The following CNTD1 variants were observed in gnomAD, a reference collection of about 807,000 sequenced individuals.
The protein encoded by CNTD1 is cyclin N-terminal domain-containing protein 1.
In CNTD1, 17 loss-of-function variants were observed where a neutral mutation model predicts 36.3. That is an observed-to-expected ratio of 0.47 (90% CI 0.32 to 0.70). The LOEUF is 0.70. Among genes scored for constraint, CNTD1 ranks in the 30% least tolerant of loss-of-function variants. The pLI is 0.03. For synonymous variants in CNTD1, 128 were observed against 153.3 expected (o/e 0.83, Z 1.22); for missense variants, 338 against 386.1 (o/e 0.88, Z 1.04).
At chr17:42,809,321 G>A (rs774031233) in intron 6 of CNTD1, 44 bp from the exon 7 acceptor site, 90 of 1,535,708 alleles carry the variant, frequency 5.9e-5, no homozygotes, top group Non-Finnish European at 7.6e-5. Flanking sequence ...ACTAAAATGT[G>A]TTGAGATTTT....
At chr17:42,804,104 G>A in intron 2 of CNTD1, 121 bp from the exon 3 acceptor site, 1 of 877,208 alleles carries the variant, frequency 1.1e-6, no homozygotes. Flanking sequence ...CTCCCAAAGT[G>A]CTGGGATTAC....
At chr17:42,803,859 C>A (rs1424562286) in intron 2 of CNTD1, among the ~76,000 whole-genome samples, 164 bp downstream of exon 2, 1 of 152,160 alleles carries the variant, frequency 6.6e-6, no homozygotes, top group East Asian at 1.9e-4. Flanking sequence ...TGTTTTGAGA[C>A]AGGGTCTTGC....
At position 42,811,345 on chromosome 17, in the gene CNTD1, A is replaced by G; in HGVS notation, c.*1810A>G. ...TCAATGGGATCCTAGAAAAATCAAAAGAAGCATTCCTGTGTATTTCCAAGG... is the reference window on the plus strand; with the variant it reads ...TCAATGGGATCCTAGAAAAATCAAAGGAAGCATTCCTGTGTATTTCCAAGG... On this transcript the variant is annotated 3_prime_UTR_variant, in exon 7 of 7. Coordinates refer to ENST00000588408, the MANE Select transcript of CNTD1 (RefSeq NM_173478.3). The G allele has an allele frequency of 3.3e-6, 1 of 305,512 alleles. No individual in the cohort carries two copies. The highest frequency in any genetic ancestry group is 5.9e-6 in the Non-Finnish European group (1 of 168,448). The allele number at this position is 305,512 out of a possible 1,614,324, so 18.9% of individuals were successfully genotyped here. A position where few individuals can be genotyped will look rare whatever the true frequency, so the allele number is the denominator to read the frequency against.
chr17:42,801,526 TA>T (rs2054790418), intron 1 of CNTD1, among the ~76,000 whole-genome samples: 3 of 77,740 alleles, frequency 3.9e-5, no homozygotes, highest in Non-Finnish European at 7.1e-5. Context: ...TATATATATA[TA>T]TATATATATA....
rs1452768169 is a variant in CNTD1, at chr17:42,810,839, C to G, written c.*1304C>G. On this transcript the variant is annotated 3_prime_UTR_variant, in exon 7 of 7. Coordinates refer to ENST00000588408, the MANE Select transcript of CNTD1 (RefSeq NM_173478.3). The stretch of plus-strand genomic sequence containing the variant: ...CAGCATGAACTTGAGAGCTTTTGTC[C>G]ACTGCTCCTCAGAGTTAAACTGGGT... 1 of 1,613,506 alleles carries G rather than the reference C, an allele frequency of 6.2e-7. No homozygotes were observed. Among genetic ancestry groups the G allele is most frequent in the Non-Finnish European group, 8.5e-7 (1 of 1,179,730 alleles).
Position 42,802,952 on chromosome 17 carries a change from C to T in CNTD1, c.170-668C>T, listed in dbSNP as rs146090962. 1.8e-3 allele frequency among the ~76,000 whole-genome samples: 277 copies of T among 152,246 alleles called. 2 individuals are homozygous for T. Among genetic ancestry groups the T allele is most frequent in the African/African-American group, 6.5e-3 (271 of 41,542 alleles). On this transcript the variant is annotated intron_variant, in intron 1 of 6. Coordinates refer to ENST00000588408, the MANE Select transcript of CNTD1 (RefSeq NM_173478.3). The stretch of plus-strand genomic sequence containing the variant: ...ACCCTTCCCACCTTCCCAATGACTC[C>T]CTCCCCCTAAATTGGGCTATGTTCT...
intron 5 of CNTD1, among the ~76,000 whole-genome samples, chr17:42,807,091 G>A (rs1475236340): frequency 6.6e-6 from 1 of 152,052 alleles, no homozygotes; most frequent in African/African-American, 2.4e-5. Context: ...TAAAACTCAA[G>A]GTTACTGGAC....
Position 42,803,541 on chromosome 17 carries a change from C to G in CNTD1, c.170-79C>G, listed in dbSNP as rs922189621. ...CCCTCTTCCCTTGGCCCCATCACGG[C>G]TTTTACACAATGCCAAGAGTTCACA... On this transcript the variant is annotated intron_variant, in intron 1 of 6. Transcript: ENST00000588408. 4.4e-6 allele frequency: 5 copies of G among 1,130,690 alleles called. No individual in the cohort carries two copies. The African/African-American group carries it at 7.7e-5, about 17-fold the overall frequency. 70.0% of individuals were successfully genotyped at this position (1,130,690 alleles called of 1,614,324 possible).
intron 5 of CNTD1, 30 bp from the exon 6 acceptor site, chr17:42,807,738 T>G (rs762623103): frequency 6.7e-7 from 1 of 1,492,718 alleles, no homozygotes; most frequent in Non-Finnish European, 9.3e-7. Flanking sequence ...CCATTCTAGC[T>G]TTAAAATTAA....
In CNTD1 at chr17:42,810,995, C is replaced by A. The variant is rs2144142695; in HGVS notation, c.*1460C>A. 6.9e-7 allele frequency: 1 copy of A among 1,440,506 alleles called. No homozygotes were observed. Among genetic ancestry groups the A allele is most frequent in the Non-Finnish European group, 9.3e-7 (1 of 1,071,656 alleles). 89.2% of individuals were successfully genotyped at this position (1,440,506 alleles called of 1,614,324 possible). Reference sequence around the variant, plus strand: ...GAGTTAAGTAAGTTCGGGGCAGGGACTTGATCATGGGACCATTCACGTCAT... The same window carrying A: ...GAGTTAAGTAAGTTCGGGGCAGGGAATTGATCATGGGACCATTCACGTCAT... On this transcript the variant is annotated 3_prime_UTR_variant, in exon 7 of 7. Transcript: ENST00000588408.
Position 42,806,716 on chromosome 17 carries a change from C to T in CNTD1, c.623C>T (p.Thr208Ile). Residue 208 changes from threonine (T) to isoleucine (I), a missense_variant, in exon 5 of 7, where the codon ACC (threonine) becomes ATC (isoleucine). By Grantham distance (89) the Thr-to-Ile change is moderately conservative. Transcript: ENST00000588408. Reference protein sequence around the residue: ...CLVPAMRLHATCLTLLDLVYL... With the variant: ...CLVPAMRLHAICLTLLDLVYL... ...GTTCCAGCCATGAGGCTGCATGCAA[C>T]CTGCCTGACACTGCTCGACCTGGTC... 6.2e-7 allele frequency: 1 copy of T among 1,614,096 alleles called. No homozygotes were observed. Among genetic ancestry groups the T allele is most frequent in the Non-Finnish European group, 8.5e-7 (1 of 1,179,970 alleles).
chr17:42,803,733 TCA>T, intron 2 of CNTD1, 38 bp downstream of exon 2: 1 of 1,505,174 alleles, frequency 6.6e-7, no homozygotes, highest in Non-Finnish European at 9.2e-7. Flanking sequence ...ACGGCACCTC[TCA>T]GAGTGGCTAA....
Position 42,805,888 on chromosome 17 carries a change from T to G in CNTD1, c.580+4T>G. 1 of 1,607,948 alleles carries G rather than the reference T, an allele frequency of 6.2e-7. No individual in the cohort carries two copies. Among genetic ancestry groups the G allele is most frequent in the Non-Finnish European group, 8.5e-7 (1 of 1,177,356 alleles). The stretch of plus-strand genomic sequence containing the variant: ...GAGACGCTCCTAGAGGTTTTAGGTA[T>G]CTTACTGTGTTAGGGAATATGGGTT... On this transcript the variant is annotated splice_donor_region_variant and intron_variant, in intron 4 of 6. Transcript: ENST00000588408.
At chr17:42,803,763 G>A in intron 2 of CNTD1, 68 bp downstream of exon 2, 3 of 1,213,158 alleles carry the variant, frequency 2.5e-6, no homozygotes, top group Non-Finnish European at 3.6e-6. Flanking sequence ...ACATCTTTAA[G>A]AAAGTATGAG....
At chr17:42,806,938 C>T in intron 5 of CNTD1, 120 bp downstream of exon 5, 2 of 846,692 alleles carry the variant, frequency 2.4e-6, no homozygotes, top group Non-Finnish European at 1.8e-6. Context: ...CCTACTCAGG[C>T]TACCTGGTTC....
In CNTD1 at chr17:42,804,304, TGGA is replaced by T. The variant is rs772060816; in HGVS notation, c.328_330del (p.Arg110del). 18 of 1,613,892 alleles carry T rather than the reference TGGA, an allele frequency of 1.1e-5. No individual in the cohort carries two copies. The South Asian group carries it at 1.8e-4, about 16-fold the overall frequency. On this transcript the variant is annotated inframe_deletion, in exon 3 of 7. Coordinates refer to ENST00000588408, the MANE Select transcript of CNTD1 (RefSeq NM_173478.3). ...AGATAATAAGAGAGAGTCTCAGAAT[TGGA>T]GGGCTCTGAAACAGCAGCTTGTCAA...
intron 1 of CNTD1, among the ~76,000 whole-genome samples, chr17:42,803,386 AG>A (rs1202640459): frequency 6.6e-6 from 1 of 152,206 alleles, no homozygotes; most frequent in Non-Finnish European, 1.5e-5. Flanking sequence ...AGGGTCACTG[AG>A]GGGGCTTGGT....
In CNTD1 at chr17:42,805,066, G is replaced by T. The variant is rs577731950; in HGVS notation, c.418-656G>T. On this transcript the variant is annotated intron_variant, in intron 3 of 6. Transcript: ENST00000588408. Reference sequence around the variant, plus strand: ...ACCTTTCCTCCCCCCTTGGACTCAAGGGCAGTTTACATAAGGTGCCTGAAT... The same window carrying T: ...ACCTTTCCTCCCCCCTTGGACTCAATGGCAGTTTACATAAGGTGCCTGAAT... 1.8e-4 allele frequency among the ~76,000 whole-genome samples: 28 copies of T among 152,170 alleles called. No homozygotes were observed. In the East Asian group the frequency reaches 5.2e-3, roughly 28 times the overall value.
rs1567658290 is a variant in CNTD1, at chr17:42,798,896, T to C, written c.-172T>C. On this transcript the variant is annotated 5_prime_UTR_variant, in exon 1 of 7. Coordinates refer to ENST00000588408, the MANE Select transcript of CNTD1 (RefSeq NM_173478.3). Reference sequence around the variant, plus strand: ...TGGCCGTTGGGGCGGGAAAAAGCTGTGGAGGGTTCGAGGCTGTGGTGGTAA... The same window carrying C: ...TGGCCGTTGGGGCGGGAAAAAGCTGCGGAGGGTTCGAGGCTGTGGTGGTAA... The C allele has an allele frequency of 6.9e-7, 1 of 1,443,396 alleles. No individual in the cohort carries two copies. The allele number at this position is 1,443,396 out of a possible 1,614,324, so 89.4% of individuals were successfully genotyped here. A position where few individuals can be genotyped will look rare whatever the true frequency, so the allele number is the denominator to read the frequency against.
Sources: gnomAD v4.1 joint callset for allele counts (sites outside exome capture counted in the v4.1 genomes callset) on GRCh38, gnomAD v4.1.1 for gene constraint, MANE v1.5 for transcripts, NCBI Gene and HGNC (gene_info 2026-07-23, HGNC 2026-07-21) for gene names.